SAE1: variants seen among roughly 807,000 people sequenced by gnomAD.
SAE1 encodes the protein SUMO1 activating enzyme subunit 1, also known as SUMO-activating enzyme subunit 1.
SAE1 carries 11 observed loss-of-function variants against 40.6 expected under a neutral mutation model. That is an observed-to-expected ratio of 0.27 (90% CI 0.17 to 0.45). SAE1 has a LOEUF of 0.45. Ranked by LOEUF, SAE1 falls within the 20% of genes least tolerant of loss-of-function variation. The pLI is 1.00. For synonymous variants in SAE1, 155 were observed against 154.3 expected (o/e 1.00, Z -0.03); for missense variants, 373 against 427.3 (o/e 0.87, Z 1.12).
intron 6 of SAE1, among the ~76,000 whole-genome samples, chr19:47,181,642 C>G (rs1272679159): frequency 1.3e-5 from 2 of 151,218 alleles, no homozygotes; most frequent in African/African-American, 4.8e-5. Flanking sequence ...CCACACCTGG[C>G]TAATTTTTGT....
chr19:47,203,979 G>T (rs534082549), intron 8 of SAE1, among the ~76,000 whole-genome samples: 12 of 152,156 alleles, frequency 7.9e-5, no homozygotes, highest in Admixed American at 7.2e-4. Flanking sequence ...TGCCTCGAAG[G>T]TGTGATCTGC....
chr19:47,167,519 T>C lies in SAE1; in HGVS notation c.628-2299T>C, dbSNP rs527302486. ...CCTCCCAAAGTGCTGGGATTACAGG[T>C]GTGAGCCACTGCGCCCAGCCAACAA... On this transcript the variant is annotated intron_variant, in intron 5 of 8. Transcript: ENST00000270225. Among the ~76,000 whole-genome samples the C allele has an allele frequency of 2.3e-4, 35 of 152,172 alleles. No individual in the cohort carries two copies. In the South Asian group the frequency reaches 4.8e-3, roughly 21 times the overall value.
chr19:47,136,456 G>A (rs138389701), intron 1 of SAE1, among the ~76,000 whole-genome samples: 74 of 150,770 alleles, frequency 4.9e-4, no homozygotes, highest in African/African-American at 1.7e-3. Flanking sequence ...TTTCATTTGG[G>A]TATATACCTA....
intron 2 of SAE1, among the ~76,000 whole-genome samples, chr19:47,146,303 A>G (rs748374056): frequency 2.6e-5 from 4 of 152,132 alleles, no homozygotes; most frequent in Non-Finnish European, 5.9e-5. Flanking sequence ...GAAGGGTGAC[A>G]TGGTTAGCTT....
chr19:47,132,431 T>G (rs548304908), intron 1 of SAE1, among the ~76,000 whole-genome samples: 26 of 151,522 alleles, frequency 1.7e-4, no homozygotes, highest in Non-Finnish European at 2.2e-4. Flanking sequence ...TTTGTTTTTT[T>G]TTTTTTTTGT....
At chr19:47,182,627 C>T (rs923236161) in intron 6 of SAE1, among the ~76,000 whole-genome samples, 1 of 152,040 alleles carries the variant, frequency 6.6e-6, no homozygotes, top group African/African-American at 2.4e-5. Flanking sequence ...AGGTGACCCA[C>T]AAATGCGGCT....
chr19:47,190,799 A>G (rs1045778241), intron 6 of SAE1, among the ~76,000 whole-genome samples: 1 of 152,212 alleles, frequency 6.6e-6, no homozygotes, highest in African/African-American at 2.4e-5. Context: ...GCAAAGTTTT[A>G]TATGACCACG....
chr19:47,199,762 C>A (rs1167581630), intron 7 of SAE1, among the ~76,000 whole-genome samples: 1 of 152,142 alleles, frequency 6.6e-6, no homozygotes, highest in Non-Finnish European at 1.5e-5. Flanking sequence ...TGCTGCGAAG[C>A]ACAGCAGAGG....
chr19:47,161,992 AAAATC>A (rs1270886490), intron 5 of SAE1, among the ~76,000 whole-genome samples: 2 of 152,168 alleles, frequency 1.3e-5, no homozygotes, highest in African/African-American at 2.4e-5. Context: ...TAAATTAATT[AAAATC>A]AAATCAAATC....
Position 47,143,539 on chromosome 19 carries a change from G to A in SAE1, c.144G>A (p.Gly48=). The A allele has an allele frequency of 4.3e-6, 7 of 1,614,074 alleles. No homozygotes were observed. Among genetic ancestry groups the A allele is most frequent in the Non-Finnish European group, 5.9e-6 (7 of 1,180,016 alleles). ...RVLLVGLKGL[G]AEIAKNLILA... The stretch of plus-strand genomic sequence containing the variant: ...TTCTTGTCGGCTTGAAAGGACTTGG[G>A]GCTGAAATTGCCAAGAATCTCATCT... Residue 48 remains glycine (G), a synonymous_variant, in exon 2 of 9, where the codon GGG becomes GGA. Coordinates refer to ENST00000270225, the MANE Select transcript of SAE1 (RefSeq NM_005500.3).
intron 5 of SAE1, among the ~76,000 whole-genome samples, chr19:47,165,999 C>A (rs995394568): frequency 1.3e-5 from 2 of 152,200 alleles, no homozygotes; most frequent in Admixed American, 1.3e-4. Context: ...GTGCCCACTT[C>A]TGGCTGTCAC....
chr19:47,155,516 A>G (rs954036677), intron 5 of SAE1, among the ~76,000 whole-genome samples: 10 of 151,818 alleles, frequency 6.6e-5, no homozygotes, highest in African/African-American at 2.4e-4. Flanking sequence ...GCTGGAGTGC[A>G]ATGGCATGAT....
In SAE1 at chr19:47,192,493, C is replaced by T. The variant is rs537755981; in HGVS notation, c.734-4740C>T. 3.6e-4 allele frequency among the ~76,000 whole-genome samples: 54 copies of T among 152,014 alleles called. No homozygotes were observed. In the East Asian group the frequency reaches 8.5e-3, roughly 24 times the overall value. The stretch of plus-strand genomic sequence containing the variant: ...TGAACCCCTGACCTCGTGATCCACC[C>T]GCCTTGGCCTCCCAAAGTGCTGGGA... On this transcript the variant is annotated intron_variant, in intron 6 of 8. Coordinates refer to ENST00000270225, the MANE Select transcript of SAE1 (RefSeq NM_005500.3).
At chr19:47,148,361 T>C (rs190949581) in intron 2 of SAE1, among the ~76,000 whole-genome samples, 1 of 151,652 alleles carries the variant, frequency 6.6e-6, no homozygotes, top group African/African-American at 2.4e-5. Context: ...TGGTAGGAGG[T>C]GTTGAGGGGA....
chr19:47,146,829 T>A (rs1175873356), intron 2 of SAE1, among the ~76,000 whole-genome samples: 2 of 151,948 alleles, frequency 1.3e-5, no homozygotes, highest in Non-Finnish European at 2.9e-5. Context: ...AGTGACTGGG[T>A]GGGTGGCTGG....
At chr19:47,172,371 A>T (rs1275394695) in intron 6 of SAE1, among the ~76,000 whole-genome samples, 2 of 152,174 alleles carry the variant, frequency 1.3e-5, no homozygotes, top group African/African-American at 4.8e-5. Context: ...GTAAGAGCAG[A>T]GTCTTTTCCA....
Position 47,150,331 on chromosome 19 carries a change from G to A in SAE1, c.340G>A (p.Asp114Asn), listed in dbSNP as rs1369152127. The change falls in exon 3 of 9, where the codon GAT (aspartate) becomes AAT (asparagine). Residue 114 changes from aspartate to asparagine, a missense_variant. Physicochemically the swap from Asp to Asn is conservative, Grantham distance 23 (BLOSUM62 1). Around this residue, in one of 3 missense-constraint regions of SAE1, gnomAD observed 351 missense variants for 390.6 expected, o/e 0.90. Coordinates refer to ENST00000270225, the MANE Select transcript of SAE1 (RefSeq NM_005500.3). ...GGTGGATGTGAAGGTGGACACTGAGGATATAGAGAAGAAACCAGAGTCATT... is the reference window on the plus strand; with the variant it reads ...GGTGGATGTGAAGGTGGACACTGAGAATATAGAGAAGAAACCAGAGTCATT... ...PMVDVKVDTE[D>N]IEKKPESFFT... The A allele has an allele frequency of 4.3e-6, 7 of 1,609,674 alleles. No individual in the cohort carries two copies. In the Admixed American group the frequency reaches 5.1e-5, roughly 12 times the overall value.
chr19:47,177,468 C>T (rs2058477031), intron 6 of SAE1, among the ~76,000 whole-genome samples: 1 of 152,198 alleles, frequency 6.6e-6, no homozygotes, highest in South Asian at 2.1e-4. Flanking sequence ...AAGTTATCCT[C>T]TCACCTCGAC....
Position 47,209,481 on chromosome 19 carries a change from C to A in SAE1, c.*230C>A. ...CTTTGTTCCAGCACTGTTCAGGCTG[C>A]CTGTCATCCCGGGCCTGCCAGCTCC... On this transcript the variant is annotated 3_prime_UTR_variant, in exon 9 of 9. Coordinates refer to ENST00000270225, the MANE Select transcript of SAE1 (RefSeq NM_005500.3). 2 of 663,792 alleles carry A rather than the reference C, an allele frequency of 3.0e-6. No homozygotes were observed. The highest frequency in any genetic ancestry group is 5.0e-6 in the Non-Finnish European group (2 of 398,384). 41.1% of individuals were successfully genotyped at this position (663,792 alleles called of 1,614,324 possible).
Sources: allele counts gnomAD v4.1 joint callset (sites outside exome capture counted in the v4.1 genomes callset), GRCh38; gene constraint gnomAD v4.1.1; regional missense constraint gnomAD v4.1.1; transcripts MANE v1.5; gene names NCBI Gene and HGNC (gene_info 2026-07-23, HGNC 2026-07-21).